Variants in EPHX1 observed in about 807,000 individuals in gnomAD.
EPHX1 encodes the protein epoxide hydrolase 1, also known as epoxide hydratase.
In EPHX1, 40 loss-of-function variants were observed where a neutral mutation model predicts 43.2. The observed-to-expected ratio is 0.93, with a 90% confidence interval of 0.72 to 1.21. EPHX1 has a LOEUF of 1.21. Among genes scored for constraint, EPHX1 ranks in the 50% most tolerant of loss-of-function variants. The probability of loss-of-function intolerance (pLI) is 0.00; values close to 1 mark genes in which losing one functional copy is unlikely to be tolerated. For missense variants in EPHX1, 550 were observed against 570.4 expected (o/e 0.96, Z 0.36); for synonymous variants, 221 against 226.7 (o/e 0.98, Z 0.22).
intron 1 of EPHX1, among the ~76,000 whole-genome samples, chr1:225,815,074 C>T (rs1666657615): frequency 6.6e-6 from 1 of 152,202 alleles, no homozygotes; most frequent in Non-Finnish European, 1.5e-5. Flanking sequence ...TGTGGGGAAA[C>T]AGCAGTGGGC....
chr1:225,831,969 CA>C lies in EPHX1; in HGVS notation c.364+14del. Reference sequence around the variant, plus strand: ...AAGACTAAGATTGAAGGTATGTTTGCAAAACGCCAGCCAGAGAGGGATGTAT... The same window carrying C: ...AAGACTAAGATTGAAGGTATGTTTGCAAACGCCAGCCAGAGAGGGATGTAT... On this transcript the variant is annotated intron_variant, in intron 3 of 8. Coordinates refer to ENST00000272167, the MANE Select transcript of EPHX1 (RefSeq NM_001136018.4). 1 of 1,613,630 alleles carries C rather than the reference CA, an allele frequency of 6.2e-7. No homozygotes were observed. The highest frequency in any genetic ancestry group is 8.5e-7 in the Non-Finnish European group (1 of 1,179,746).
At chr1:225,811,434 T>A (rs1346594546) in intron 1 of EPHX1, among the ~76,000 whole-genome samples, 1 of 152,188 alleles carries the variant, frequency 6.6e-6, no homozygotes, top group East Asian at 1.9e-4. Context: ...GGGCTCAGCT[T>A]GTGGCTGGAG....
At chr1:225,827,539 G>A (rs1188499072) in intron 1 of EPHX1, among the ~76,000 whole-genome samples, 1 of 152,196 alleles carries the variant, frequency 6.6e-6, no homozygotes, top group African/African-American at 2.4e-5. Flanking sequence ...AGACACAGGA[G>A]TCAGACAAAT....
intron 1 of EPHX1, among the ~76,000 whole-genome samples, chr1:225,820,250 G>A (rs746681990): frequency 2.0e-5 from 3 of 151,790 alleles, no homozygotes; most frequent in Admixed American, 6.6e-5. Context: ...AGGCATGCCC[G>A]GCTAATTTTT....
At chr1:225,819,506 G>A (rs181166958) in intron 1 of EPHX1, among the ~76,000 whole-genome samples, 2 of 152,298 alleles carry the variant, frequency 1.3e-5, no homozygotes, top group East Asian at 3.9e-4. Context: ...GTAGTCCAGG[G>A]GAGAGCCACA....
intron 3 of EPHX1, 24 bp downstream of exon 3, chr1:225,831,983 G>A: frequency 6.2e-7 from 1 of 1,611,676 alleles, no homozygotes; most frequent in Non-Finnish European, 8.5e-7. Flanking sequence ...ACGCCAGCCA[G>A]AGAGGGATGT....
In EPHX1 at chr1:225,817,710, A is replaced by G. The variant is rs1666790007; in HGVS notation, c.-6+7541A>G. 6.6e-6 allele frequency among the ~76,000 whole-genome samples: 1 copy of G among 152,204 alleles called. No individual in the cohort carries two copies. The highest frequency in any genetic ancestry group is 1.5e-5 in the Non-Finnish European group (1 of 68,034). On this transcript the variant is annotated intron_variant, in intron 1 of 8. Transcript: ENST00000272167. The surrounding 1 kb of genome is among the most constrained non-coding windows in gnomAD (Gnocchi z 5.7). Reference sequence around the variant, plus strand: ...CACGCTGCTGTGAGTCTCAGTCACTATTAGAGAAACACAGTCAGAGCCAGG... The same window carrying G: ...CACGCTGCTGTGAGTCTCAGTCACTGTTAGAGAAACACAGTCAGAGCCAGG...
In EPHX1 at chr1:225,832,110, G is replaced by A. The variant is rs1667638473; in HGVS notation, c.364+151G>A. 6.7e-5 allele frequency: 55 copies of A among 821,392 alleles called. No homozygotes were observed. The South Asian group carries it at 8.1e-4, about 12-fold the overall frequency. 50.9% of individuals were successfully genotyped at this position (821,392 alleles called of 1,614,324 possible). On this transcript the variant is annotated intron_variant, in intron 3 of 8. Transcript: ENST00000272167. ...CTTATACGTTGTAACCTTACTAAATGCAAAAATATTGCAGTCACAACAAAT... is the reference window on the plus strand; with the variant it reads ...CTTATACGTTGTAACCTTACTAAATACAAAAATATTGCAGTCACAACAAAT...
In EPHX1 at chr1:225,845,445, G is replaced by A. The variant is rs1043902534; in HGVS notation, c.*98G>A. On this transcript the variant is annotated 3_prime_UTR_variant, in exon 9 of 9. Transcript: ENST00000272167. ...TTTTCTGAGGAATGAGTTTGCCTCC[G>A]TCCCCTGCCCATGCTGGGAGCCCAC... The A allele has an allele frequency of 2.0e-5, 27 of 1,322,742 alleles. No individual in the cohort carries two copies. The East Asian group carries it at 3.0e-4, about 15-fold the overall frequency. 81.9% of individuals were successfully genotyped at this position (1,322,742 alleles called of 1,614,324 possible).
chr1:225,837,331 G>A (rs1668020864), intron 3 of EPHX1, among the ~76,000 whole-genome samples: 2 of 152,210 alleles, frequency 1.3e-5, no homozygotes, highest in Non-Finnish European at 2.9e-5. Flanking sequence ...TTCCAAGCAT[G>A]GCAGCCGCCC....
chr1:225,833,230 C>T (rs575524863), intron 3 of EPHX1, among the ~76,000 whole-genome samples: 116 of 152,210 alleles, frequency 7.6e-4, no homozygotes, highest in African/African-American at 2.7e-3. Flanking sequence ...ATAATTTGGC[C>T]TTTTCAAGGA....
chr1:225,823,655 TGGCCATGAGAGAGGGA>T (rs1015494292), intron 1 of EPHX1, among the ~76,000 whole-genome samples: 6 of 152,264 alleles, frequency 3.9e-5, no homozygotes, highest in African/African-American at 1.2e-4. Context: ...GAGTGCTGGG[TGGCCATGAGAGAGGGA>T]GGCCATGAGA....
At chr1:225,820,087 T>TTTTC (rs768710959) in intron 1 of EPHX1, among the ~76,000 whole-genome samples, 2 of 152,012 alleles carry the variant, frequency 1.3e-5, no homozygotes, top group Non-Finnish European at 2.9e-5. Flanking sequence ...CCCAAGTATA[T>TTTTC]TTTCTTTCTT....
At chr1:225,820,440 A>G (rs745758441) in intron 1 of EPHX1, among the ~76,000 whole-genome samples, 2 of 152,202 alleles carry the variant, frequency 1.3e-5, no homozygotes, top group Non-Finnish European at 2.9e-5. Context: ...ACAGAAGGGT[A>G]ATCTGAATTG....
chr1:225,827,832 T>C (rs1313926126), intron 1 of EPHX1, among the ~76,000 whole-genome samples: 2 of 152,242 alleles, frequency 1.3e-5, no homozygotes, highest in Non-Finnish European at 2.9e-5. Flanking sequence ...ACAGCTAAGC[T>C]GTGTGGCCAT....
At chr1:225,826,560 G>A (rs947399306) in intron 1 of EPHX1, among the ~76,000 whole-genome samples, 2 of 143,040 alleles carry the variant, frequency 1.4e-5, no homozygotes, top group African/African-American at 2.4e-5. Context: ...CCTGCCCCCT[G>A]GCACATGGTA....
chr1:225,818,765 G>T (rs550054644), intron 1 of EPHX1, among the ~76,000 whole-genome samples: 64 of 152,100 alleles, frequency 4.2e-4, no homozygotes, highest in Admixed American at 3.9e-3. Context: ...TAAGGGTTTC[G>T]CAGGGGATGG....
intron 3 of EPHX1, among the ~76,000 whole-genome samples, chr1:225,833,572 G>C (rs979291496): frequency 6.6e-6 from 1 of 151,956 alleles, no homozygotes; most frequent in Non-Finnish European, 1.5e-5. Flanking sequence ...GAGGCAGGTG[G>C]ATCACGAGGT....
intron 1 of EPHX1, among the ~76,000 whole-genome samples, chr1:225,828,136 G>A (rs921511142): frequency 2.0e-5 from 3 of 152,166 alleles, no homozygotes; most frequent in Non-Finnish European, 2.9e-5. Context: ...ACGAGGTCAA[G>A]AGATTGAGAC....
Sources: gnomAD v4.1 joint callset for allele counts (sites outside exome capture counted in the v4.1 genomes callset) on GRCh38, gnomAD v4.1.1 for gene constraint, Gnocchi (gnomAD v3.1) non-coding constraint, MANE v1.5 for transcripts, NCBI Gene and HGNC (gene_info 2026-07-23, HGNC 2026-07-21) for gene names.